The following RIT2 variants were observed in gnomAD, a reference collection of about 807,000 sequenced individuals.
The protein encoded by RIT2 is Ras like without CAAX 2, also known as GTP-binding protein Rit2.
In RIT2, 24 loss-of-function variants were observed where a neutral mutation model predicts 23.7. The observed-to-expected ratio is 1.01, with a 90% CI of 0.73 to 1.43. The LOEUF (loss-of-function observed/expected upper bound fraction) is 1.43. Among genes scored for constraint, RIT2 ranks in the 40% most tolerant of loss-of-function variants. The pLI, the probability that RIT2 is intolerant of heterozygous loss-of-function variation, is 0.00. For synonymous variants in RIT2, 107 were observed against 91.1 expected (o/e 1.17, Z -0.99); for missense variants, 236 against 266.9 (o/e 0.88, Z 0.81).
chr18:43,060,234 C>A (rs937555757), intron 1 of RIT2, among the ~76,000 whole-genome samples: 1 of 152,124 alleles, frequency 6.6e-6, no homozygotes, highest in South Asian at 2.1e-4. Flanking sequence ...CCAAGCAACA[C>A]TCAAAATAGA....
At chr18:42,953,985 T>C (rs1014202381) in intron 3 of RIT2, among the ~76,000 whole-genome samples, 4 of 152,124 alleles carry the variant, frequency 2.6e-5, no homozygotes, top group African/African-American at 7.2e-5. Context: ...CTGCAAATTG[T>C]AGGGTTTATG....
At chr18:42,855,776 A>G (rs1386257987) in intron 4 of RIT2, among the ~76,000 whole-genome samples, 2 of 152,234 alleles carry the variant, frequency 1.3e-5, no homozygotes, top group Admixed American at 6.5e-5. Context: ...TATAGCATAT[A>G]GCTTTCTAGC....
At chr18:43,056,917 A>C (rs1912515922) in intron 1 of RIT2, among the ~76,000 whole-genome samples, 2 of 151,952 alleles carry the variant, frequency 1.3e-5, no homozygotes, top group Non-Finnish European at 2.9e-5. Context: ...GATACTTCAA[A>C]TTTCCATAAT....
chr18:43,045,053 C>T (rs1488718849), intron 1 of RIT2, among the ~76,000 whole-genome samples: 1 of 152,128 alleles, frequency 6.6e-6, no homozygotes, highest in Non-Finnish European at 1.5e-5. Context: ...GAAAAATAGA[C>T]ATTTTCACTA....
At chr18:43,111,114 G>T (rs899235719) in intron 1 of RIT2, among the ~76,000 whole-genome samples, 1 of 152,090 alleles carries the variant, frequency 6.6e-6, no homozygotes, top group Non-Finnish European at 1.5e-5. Context: ...ATACTATTCA[G>T]CTATATAAAA....
At chr18:43,057,065 G>C (rs1912520660) in intron 1 of RIT2, among the ~76,000 whole-genome samples, 2 of 145,286 alleles carry the variant, frequency 1.4e-5, no homozygotes, top group Non-Finnish European at 1.5e-5. Context: ...GGGGGTGGGG[G>C]GAAGTATAAA....
At chr18:42,820,882 G>A (rs572822608) in intron 4 of RIT2, among the ~76,000 whole-genome samples, 27 of 152,264 alleles carry the variant, frequency 1.8e-4, no homozygotes, top group Middle Eastern at 3.4e-3. Flanking sequence ...AATTTTGGAT[G>A]TAAGGTCAGG....
At chr18:42,949,614 G>A (rs774705969) in intron 3 of RIT2, among the ~76,000 whole-genome samples, 1 of 152,012 alleles carries the variant, frequency 6.6e-6, no homozygotes, top group Non-Finnish European at 1.5e-5. Flanking sequence ...ATACAAGTAT[G>A]AGAAATCTCT....
chr18:42,935,812 A>G (rs1164975136), intron 3 of RIT2, among the ~76,000 whole-genome samples: 1 of 151,868 alleles, frequency 6.6e-6, no homozygotes, highest in African/African-American at 2.4e-5. Flanking sequence ...GTGGCTCAAG[A>G]CCCCGGTGAC....
intron 4 of RIT2, among the ~76,000 whole-genome samples, chr18:42,854,797 G>C (rs999981599): frequency 2.6e-5 from 4 of 152,124 alleles, no homozygotes; most frequent in Non-Finnish European, 5.9e-5. Context: ...TGGCCTTACT[G>C]TATCCATCAA....
intron 4 of RIT2, among the ~76,000 whole-genome samples, chr18:42,771,117 A>G (rs1476047631): frequency 1.3e-5 from 2 of 151,996 alleles, no homozygotes; most frequent in African/African-American, 4.8e-5. Flanking sequence ...ACATCAAACT[A>G]CGTAATTTTT....
chr18:42,918,631 T>C (rs752689086), intron 4 of RIT2, among the ~76,000 whole-genome samples: 5 of 152,170 alleles, frequency 3.3e-5, no homozygotes, highest in Non-Finnish European at 5.9e-5. Flanking sequence ...CTGCATTACA[T>C]TATATCCAAT....
At chr18:42,757,425 T>C (rs548931187) in intron 4 of RIT2, among the ~76,000 whole-genome samples, 37 of 152,214 alleles carry the variant, frequency 2.4e-4, no homozygotes, top group African/African-American at 8.4e-4. Context: ...TCCCCAGAGG[T>C]ATCTTGGGCT....
chr18:42,823,792 A>G (rs145600245), intron 4 of RIT2, among the ~76,000 whole-genome samples: 90 of 152,294 alleles, frequency 5.9e-4, no homozygotes, highest in African/African-American at 2.0e-3. Context: ...TATTTAATGC[A>G]TAAGAAAATG....
chr18:42,761,581 C>T (rs1338876417), intron 4 of RIT2, among the ~76,000 whole-genome samples: 4 of 152,174 alleles, frequency 2.6e-5, no homozygotes, highest in Non-Finnish European at 5.9e-5. Context: ...TTCTCTTCTT[C>T]CAATTAACAC....
At chr18:42,827,738 G>A (rs1242667878) in intron 4 of RIT2, among the ~76,000 whole-genome samples, 1 of 152,094 alleles carries the variant, frequency 6.6e-6, no homozygotes, top group Admixed American at 6.5e-5. Context: ...AGGCGTGGTG[G>A]CTCATGCCTG....
chr18:42,751,864 G>A (rs2143884541), intron 4 of RIT2, among the ~76,000 whole-genome samples: 1 of 151,864 alleles, frequency 6.6e-6, no homozygotes, highest in African/African-American at 2.4e-5. Flanking sequence ...GTGACCTAAA[G>A]TTTTTATGTT....
intron 3 of RIT2, among the ~76,000 whole-genome samples, chr18:42,946,901 G>A (rs1027841097): frequency 1.1e-4 from 17 of 152,030 alleles, no homozygotes; most frequent in Admixed American, 7.9e-4. Context: ...CTAAGCTTTA[G>A]AAGTGCAAAA....
At position 42,776,249 on chromosome 18, in the gene RIT2, G is replaced by T. The variant is rs76490801; in HGVS notation, c.427-32529C>A. Among the ~76,000 whole-genome samples, 3 of 152,276 alleles carry T rather than the reference G, an allele frequency of 2.0e-5. No homozygotes were observed. The East Asian group carries it at 5.8e-4, about 29-fold the overall frequency. ...AAGACACCTGAGAATAAAGATAGGT[G>T]ACAATTTTATTAGATTCATTCATTC... On this transcript the variant is annotated intron_variant, in intron 4 of 4. Transcript: ENST00000326695.
Sources: gnomAD v4.1 joint callset for allele counts (sites outside exome capture counted in the v4.1 genomes callset) on GRCh38, gnomAD v4.1.1 for gene constraint, MANE v1.5 for transcripts, NCBI Gene and HGNC (gene_info 2026-07-23, HGNC 2026-07-21) for gene names.